POMGNT1: variants seen among roughly 807,000 people sequenced by gnomAD.
The protein encoded by POMGNT1 is protein O-linked-mannose beta-1,2-N-acetylglucosaminyltransferase 1.
In POMGNT1, 67 loss-of-function variants were observed where a neutral mutation model predicts 95.6. The ratio of observed to expected loss-of-function variants is 0.70; its 90% CI spans 0.58 to 0.86. The LOEUF (loss-of-function observed/expected upper bound fraction) is 0.86, where lower values mean the gene tolerates loss of function less well. Among genes scored for constraint, POMGNT1 ranks in the 40% least tolerant of loss-of-function variants. POMGNT1 has a pLI of 0.00. For synonymous variants in POMGNT1, 298 were observed against 317.9 expected (o/e 0.94, Z 0.66); for missense variants, 719 against 855.2 (o/e 0.84, Z 1.99).
Position 46,192,919 on chromosome 1 carries a change from T to C in POMGNT1, c.1192A>G (p.Ile398Val), listed in dbSNP as rs1460430901. The C allele has an allele frequency of 3.7e-6, 6 of 1,613,990 alleles. No individual in the cohort carries two copies. Among genetic ancestry groups the C allele is most frequent in the Non-Finnish European group, 5.1e-6 (6 of 1,180,022 alleles). The change falls in exon 14 of 22, where the codon ATT (isoleucine) becomes GTT (valine). Residue 398 changes from isoleucine to valine, a missense_variant. Physicochemically the swap from Ile to Val is conservative, Grantham distance 29 (BLOSUM62 3). Coordinates refer to ENST00000371984, the MANE Select transcript of POMGNT1 (RefSeq NM_017739.4). ...CCTCACCTGAAAAAATCCACAGCAA[T>C]GTCCAGGTCCTCTTCCAGAACCACA... is the stretch of plus-strand genomic sequence containing the variant. ...FAVVLEEDLD[I>V]AVDFFSFLSQ...
intron 2 of POMGNT1, 172 bp downstream of exon 2, chr1:46,197,530 C>T: frequency 1.0e-6 from 1 of 976,242 alleles, no homozygotes; most frequent in Non-Finnish European, 1.2e-6. Context: ...GATTCCAGAA[C>T]TTTGGGTTCA....
intron 1 of POMGNT1, among the ~76,000 whole-genome samples, chr1:46,214,351 GAAAA>G (rs57471712): frequency 7.8e-6 from 1 of 127,426 alleles, no homozygotes; most frequent in Non-Finnish European, 1.7e-5. Flanking sequence ...GTCTCAAAAA[GAAAA>G]AAAAAAAGGA....
In POMGNT1 at chr1:46,189,145, T is replaced by A; in HGVS notation, c.*125A>T. ...CCTCCCCTTGGAGTTAGTAATTAAG[T>A]CTCATGTTAAAAACAAGGTAGCCCC... is the stretch of plus-strand genomic sequence containing the variant. On this transcript the variant is annotated 3_prime_UTR_variant, in exon 22 of 22. Coordinates refer to ENST00000371984, the MANE Select transcript of POMGNT1 (RefSeq NM_017739.4). 6.7e-7 allele frequency: 1 copy of A among 1,497,054 alleles called. No individual in the cohort carries two copies. Among genetic ancestry groups the A allele is most frequent in the Non-Finnish European group, 8.9e-7 (1 of 1,124,350 alleles). The allele number at this position is 1,497,054 out of a possible 1,614,324, so 92.7% of individuals were successfully genotyped here. A position where few individuals can be genotyped will look rare whatever the true frequency, so the allele number is the denominator to read the frequency against.
upstream of POMGNT1, chr1:46,198,461 TCCG>T (rs544398806): frequency 1.1e-4 from 16 of 148,860 alleles, no homozygotes; most frequent in Non-Finnish European, 2.2e-4. Flanking sequence ...CCCCCCCGCT[TCCG>T]CCGCCGCCGC....
intron 6 of POMGNT1, 132 bp from the exon 7 acceptor site, chr1:46,195,093 A>ATTG: frequency 1.3e-6 from 1 of 797,912 alleles, no homozygotes; most frequent in Non-Finnish European, 2.2e-6. Context: ...CTCTATGGTT[A>ATTG]CTCTCTTTCA....
At position 46,192,908 on chromosome 1, in the gene POMGNT1, A is replaced by G. The variant is rs1437757660; in HGVS notation, c.1203T>C (p.Asp401=). The G allele has an allele frequency of 6.2e-7, 1 of 1,614,098 alleles. No homozygotes were observed. Among genetic ancestry groups the G allele is most frequent in the South Asian group, 1.1e-5 (1 of 91,086 alleles). The change falls in exon 14 of 22, where the codon GAT becomes GAC. Residue 401 remains aspartate (D), a synonymous_variant. Transcript: ENST00000371984. ...CTAGAGACTCCCCTCACCTGAAAAA[A>G]TCCACAGCAATGTCCAGGTCCTCTT... ...VLEEDLDIAV[D]FFSFLSQSIH...
In POMGNT1 at chr1:46,196,090, A is replaced by G. The variant is rs765069472; in HGVS notation, c.355-13T>C. ...CATCCTCCAGCACCTACACAGTGGC[A>G]GAGACAAAGTCCAGCTTTTCACTCT... On this transcript the variant is annotated splice_polypyrimidine_tract_variant and intron_variant, in intron 4 of 21. Coordinates refer to ENST00000371984, the MANE Select transcript of POMGNT1 (RefSeq NM_017739.4). This position sits in a 1 kb window ranked among gnomAD's most constrained non-coding sequence, Gnocchi z 4.4. 1.2e-6 allele frequency: 2 copies of G among 1,613,920 alleles called. No individual in the cohort carries two copies. Among genetic ancestry groups the G allele is most frequent in the East Asian group, 4.5e-5 (2 of 44,886 alleles).
chr1:46,197,857 C>A lies in POMGNT1; in HGVS notation c.-36G>T. Reference sequence around the variant, plus strand: ...CGGGTCACCAATGTCCTGGCCAGCCCATGACTTCAGGAATCTGAAGGGACC... The same window carrying A: ...CGGGTCACCAATGTCCTGGCCAGCCAATGACTTCAGGAATCTGAAGGGACC... On this transcript the variant is annotated 5_prime_UTR_variant, in exon 2 of 22. The change abolishes an upstream ATG in the 5' untranslated region. Transcript: ENST00000371984. 1 of 1,613,086 alleles carries A rather than the reference C, an allele frequency of 6.2e-7. No homozygotes were observed. The highest frequency in any genetic ancestry group is 8.5e-7 in the Non-Finnish European group (1 of 1,179,920).
At chr1:46,203,374 G>C, upstream of POMGNT1, 3 of 1,426,144 alleles carry the variant, frequency 2.1e-6, no homozygotes, top group East Asian at 2.7e-5. Flanking sequence ...GAGGACCCCC[G>C]GGAGCCGGTC....
In POMGNT1 at chr1:46,190,526, G is replaced by A. The variant is rs368345562; in HGVS notation, c.1605-9C>T. On this transcript the variant is annotated splice_polypyrimidine_tract_variant and intron_variant, in intron 18 of 21. Coordinates refer to ENST00000371984, the MANE Select transcript of POMGNT1 (RefSeq NM_017739.4). ...AAGCTTCTTTCTTCAGACTGAAGAGGAGGGAGAAATGGGTCAGGGGAGTGG... is the reference window on the plus strand; with the variant it reads ...AAGCTTCTTTCTTCAGACTGAAGAGAAGGGAGAAATGGGTCAGGGGAGTGG... 53 of 1,602,424 alleles carry A rather than the reference G, an allele frequency of 3.3e-5. No individual in the cohort carries two copies. In the South Asian group the frequency reaches 5.5e-4, roughly 17 times the overall value.
At chr1:46,212,235 C>T (rs1297499778) in intron 1 of POMGNT1, among the ~76,000 whole-genome samples, 2 of 151,802 alleles carry the variant, frequency 1.3e-5, no homozygotes, top group East Asian at 1.9e-4. Context: ...CACATAATGA[C>T]GTTTTGGTCA....
rs761616347 is a variant in POMGNT1 at position 46,196,919 on chromosome 1, C to T, written c.235+51G>A. 7 of 1,614,112 alleles carry T rather than the reference C, an allele frequency of 4.3e-6. No homozygotes were observed. In the South Asian group the frequency reaches 6.6e-5, roughly 15 times the overall value. On this transcript the variant is annotated intron_variant, in intron 3 of 21. Transcript: ENST00000371984. This position sits in a 1 kb window ranked among gnomAD's most constrained non-coding sequence, Gnocchi z 4.4. ...CTCACCGCTTAGGGTCTGCCTGCCA[C>T]TCCAGCTGTGAGATCCAAGGCCCCC...
chr1:46,213,335 A>G (rs1394445424), intron 1 of POMGNT1, among the ~76,000 whole-genome samples: 1 of 150,672 alleles, frequency 6.6e-6, no homozygotes, highest in African/African-American at 2.4e-5. Context: ...TTGTGCTGGG[A>G]CATTTTGTTT....
At chr1:46,205,094 C>CA (rs1658669356) in intron 1 of POMGNT1, among the ~76,000 whole-genome samples, 1 of 151,966 alleles carries the variant, frequency 6.6e-6, no homozygotes, top group Non-Finnish European at 1.5e-5. Context: ...CCTGTCTCTA[C>CA]AAAAAATACA....
At chr1:46,219,784 A>T in exon 1 of POMGNT1, 6 of 1,614,158 alleles carry the variant, frequency 3.7e-6, no homozygotes, top group Non-Finnish European at 5.1e-6. Flanking sequence ...TGGCTGTTGG[A>T]GGAGCGGGGG....
In POMGNT1 at chr1:46,193,935, A is replaced by G; in HGVS notation, c.880-10T>C. On this transcript the variant is annotated splice_polypyrimidine_tract_variant and intron_variant, in intron 9 of 21. Coordinates refer to ENST00000371984, the MANE Select transcript of POMGNT1 (RefSeq NM_017739.4). ...CCTTGTTGTCTGGGAGCTGTGGGAG[A>G]AATAGCGTTTAGCTCTTGCCTTATT... 6 of 1,613,966 alleles carry G rather than the reference A, an allele frequency of 3.7e-6. No individual in the cohort carries two copies. Among genetic ancestry groups the G allele is most frequent in the Non-Finnish European group, 5.1e-6 (6 of 1,179,974 alleles).
rs760067527 is a variant in POMGNT1 at position 46,203,476 on chromosome 1, G to A, written c.-50-5605C>T. ...ACGCCTGACCTGCGGGATGTGGAGGGTAAGGTGGGCAGGAAGACCCCTGAA... is the reference window on the plus strand; with the variant it reads ...ACGCCTGACCTGCGGGATGTGGAGGATAAGGTGGGCAGGAAGACCCCTGAA... On this transcript the variant is annotated intron_variant, in intron 1 of 22. Coordinates refer to the POMGNT1 transcript ENST00000371992. The A allele has an allele frequency of 1.9e-5, 29 of 1,523,038 alleles. No individual in the cohort carries two copies. The South Asian group carries it at 3.4e-4, about 18-fold the overall frequency. The allele number at this position is 1,523,038 out of a possible 1,614,324, so 94.3% of individuals were successfully genotyped here.
upstream of POMGNT1, among the ~76,000 whole-genome samples, chr1:46,201,376 C>T (rs1265605536): frequency 6.6e-6 from 1 of 151,414 alleles, no homozygotes; most frequent in South Asian, 2.1e-4. Flanking sequence ...ACAAAGGTAA[C>T]CTTAGATGAA....
rs1339833158 is a variant in POMGNT1 at position 46,192,296 on chromosome 1, C to A, written c.1413+12G>T. ...GGGGACTCCAGCCCCCTCACCCTAC[C>A]CTGACAGTTACCTTTTCCGGTGTAG... On this transcript the variant is annotated intron_variant, in intron 16 of 21. Transcript: ENST00000371984. 8.1e-6 allele frequency: 13 copies of A among 1,614,036 alleles called. No homozygotes were observed. Among genetic ancestry groups the A allele is most frequent in the Non-Finnish European group, 1.1e-5 (13 of 1,180,044 alleles).
Sources: gnomAD v4.1 joint callset for allele counts (sites outside exome capture counted in the v4.1 genomes callset) on GRCh38, gnomAD v4.1.1 for gene constraint, Gnocchi (gnomAD v3.1) non-coding constraint, MANE v1.5 for transcripts, NCBI Gene and HGNC (gene_info 2026-07-23, HGNC 2026-07-21) for gene names.